PTPRD: variants seen among roughly 807,000 people sequenced by gnomAD.
PTPRD encodes protein tyrosine phosphatase receptor type D, also known as receptor-type tyrosine-protein phosphatase delta.
A neutral mutation model predicts 214.5 loss-of-function variants in PTPRD; 34 were observed. That is an observed-to-expected ratio of 0.16 (90% CI 0.12 to 0.21). PTPRD has a LOEUF of 0.21. PTPRD is among the 10% of genes least tolerant of loss of function. PTPRD has a pLI of 1.00. For missense variants in PTPRD, 2,545 were observed against 2,398.7 expected, an observed-to-expected ratio of 1.06 and a Z score of -1.27; for synonymous variants, 1,128 against 845.7, an observed-to-expected ratio of 1.33 and a Z score of -5.79.
intron 14 of PTPRD, among the ~76,000 whole-genome samples, chr9:8,529,042 G>C (rs533789235): frequency 3.5e-4 from 54 of 152,236 alleles, no homozygotes; most frequent in African/African-American, 1.1e-3. Context: ...CAAGAGCAAA[G>C]AGGGAGAAAT....
At chr9:8,649,055 A>T (rs1214091480) in intron 12 of PTPRD, among the ~76,000 whole-genome samples, 1 of 152,226 alleles carries the variant, frequency 6.6e-6, no homozygotes, top group African/African-American at 2.4e-5. Flanking sequence ...GAGCGGATAA[A>T]ACTGAAGTGG....
intron 2 of PTPRD, among the ~76,000 whole-genome samples, chr9:10,360,309 G>T (rs1340784811): frequency 1.3e-5 from 2 of 152,100 alleles, no homozygotes; most frequent in Admixed American, 1.3e-4. Context: ...ATTTAGAAAG[G>T]GTATTTTAAG....
At chr9:8,407,722 G>A (rs2093136629) in intron 35 of PTPRD, among the ~76,000 whole-genome samples, 1 of 152,182 alleles carries the variant, frequency 6.6e-6, no homozygotes, top group African/African-American at 2.4e-5. Flanking sequence ...TAAAACAGAT[G>A]GGATGCAGCT....
intron 3 of PTPRD, among the ~76,000 whole-genome samples, chr9:10,135,177 GAAGA>G (rs2098932981): frequency 6.6e-6 from 1 of 152,108 alleles, no homozygotes; most frequent in South Asian, 2.1e-4. Context: ...CAAAAATAAA[GAAGA>G]AAGAATGTTT....
At chr9:9,980,160 T>A (rs2095490671) in intron 4 of PTPRD, among the ~76,000 whole-genome samples, 1 of 152,126 alleles carries the variant, frequency 6.6e-6, no homozygotes, top group Non-Finnish European at 1.5e-5. Flanking sequence ...ATTTAACAGA[T>A]ATGAAAATAC....
intron 7 of PTPRD, among the ~76,000 whole-genome samples, chr9:9,700,270 T>C (rs1449238502): frequency 6.6e-6 from 1 of 152,148 alleles, no homozygotes; most frequent in Non-Finnish European, 1.5e-5. Flanking sequence ...AATATTCCTC[T>C]AAATCATTAC....
At chr9:10,464,404 TAGAG>T (rs888601285) in intron 2 of PTPRD, among the ~76,000 whole-genome samples, 53 of 129,674 alleles carry the variant, frequency 4.1e-4, no homozygotes, top group African/African-American at 1.4e-3. Flanking sequence ...GAGAGAGAGA[TAGAG>T]AGACAGAGAG....
intron 14 of PTPRD, among the ~76,000 whole-genome samples, chr9:8,583,727 GGAA>G (rs780623773): frequency 2.0e-5 from 3 of 152,184 alleles, no homozygotes; most frequent in African/African-American, 7.2e-5. Context: ...ATGGAAATGG[GGAA>G]GAAGATAGAG....
At chr9:8,567,378 T>A (rs1376386494) in intron 14 of PTPRD, among the ~76,000 whole-genome samples, 1 of 152,152 alleles carries the variant, frequency 6.6e-6, no homozygotes, top group Non-Finnish European at 1.5e-5. Context: ...CCTGACCTCT[T>A]CTCCAATTTC....
intron 2 of PTPRD, among the ~76,000 whole-genome samples, chr9:10,370,674 A>G (rs2097593617): frequency 6.6e-6 from 1 of 152,114 alleles, no homozygotes; most frequent in Non-Finnish European, 1.5e-5. Flanking sequence ...TCAAAAATAT[A>G]CCATGCTTAA....
intron 11 of PTPRD, among the ~76,000 whole-genome samples, chr9:8,905,460 C>T (rs78467171): frequency 1.1e-3 from 164 of 151,914 alleles, no homozygotes; most frequent in African/African-American, 3.5e-3. Context: ...ATTAGCCAGC[C>T]GGACGTCGTG....
chr9:9,623,709 G>A (rs886080540), intron 7 of PTPRD, among the ~76,000 whole-genome samples: 1 of 152,126 alleles, frequency 6.6e-6, no homozygotes, highest in South Asian at 2.1e-4. Flanking sequence ...AAATTCCTGG[G>A]TTCCATCCCA....
At chr9:9,080,021 GT>G (rs2099756812) in intron 10 of PTPRD, among the ~76,000 whole-genome samples, 1 of 151,956 alleles carries the variant, frequency 6.6e-6, no homozygotes, top group Admixed American at 6.6e-5. Context: ...TCTAAATTCA[GT>G]TATTGGTATT....
chr9:10,150,414 G>A (rs936852805), intron 3 of PTPRD, among the ~76,000 whole-genome samples: 2 of 151,892 alleles, frequency 1.3e-5, no homozygotes, highest in Non-Finnish European at 2.9e-5. Context: ...TGCAGAAACA[G>A]AAAATCAAAC....
chr9:9,347,350 G>A (rs1332635247), intron 9 of PTPRD, among the ~76,000 whole-genome samples: 3 of 149,950 alleles, frequency 2.0e-5, no homozygotes, highest in Non-Finnish European at 4.4e-5. Flanking sequence ...ATATCTATAT[G>A]CATGCATACA....
chr9:10,098,558 C>A (rs1392745294), intron 3 of PTPRD, among the ~76,000 whole-genome samples: 1 of 151,694 alleles, frequency 6.6e-6, no homozygotes, highest in African/African-American at 2.4e-5. Flanking sequence ...AGCGCACACT[C>A]TCATATTTCA....
chr9:10,405,347 T>C (rs1229277931), intron 2 of PTPRD, among the ~76,000 whole-genome samples: 3 of 151,664 alleles, frequency 2.0e-5, no homozygotes, highest in Non-Finnish European at 4.4e-5. Context: ...GACAGTGACA[T>C]GGAATTTTTA....
At chr9:9,344,838 A>T (rs2048215305) in intron 9 of PTPRD, among the ~76,000 whole-genome samples, 1 of 152,110 alleles carries the variant, frequency 6.6e-6, no homozygotes, top group Non-Finnish European at 1.5e-5. Flanking sequence ...TAGTTAAGAA[A>T]AAAAATGAGA....
intron 2 of PTPRD, among the ~76,000 whole-genome samples, chr9:10,502,711 T>C (rs2044190059): frequency 6.6e-6 from 1 of 152,112 alleles, no homozygotes; most frequent in Non-Finnish European, 1.5e-5. Flanking sequence ...TGTAAGCATT[T>C]CAAAAATGTA....
Sources: gnomAD v4.1 joint callset for allele counts (sites outside exome capture counted in the v4.1 genomes callset) on GRCh38, gnomAD v4.1.1 for gene constraint, MANE v1.5 for transcripts, NCBI Gene and HGNC (gene_info 2026-07-23, HGNC 2026-07-21) for gene names.